The following SPATA31C1 variants were observed in gnomAD, a reference collection of about 807,000 sequenced individuals.
SPATA31C1 encodes spermatogenesis-associated protein 31C1.
At chr9:87,920,361 G>A (rs1236880084) in exon 5 of SPATA31C1, 6 of 1,613,846 alleles carry the variant, frequency 3.7e-6, no homozygotes, top group Admixed American at 1.7e-5. Context: ...GTCCTCTCAT[G>A]AGCCTATGGA....
rs771326196 is a variant in SPATA31C1 at position 87,921,911 on chromosome 9, C to T, written n.2301C>T. On this transcript the variant is annotated non_coding_transcript_exon_variant, in exon 5 of 5. Transcript: ENST00000420021. ...GGGCCAAACACAGGTGGGGTCTACC[C>T]CTCAGGGTCCTCAAGCCCATTCAGT... 1.2e-5 allele frequency: 19 copies of T among 1,611,914 alleles called. No homozygotes were observed. The Middle Eastern group carries it at 6.7e-4, about 57-fold the overall frequency.
chr9:87,921,190 T>C, exon 5 of SPATA31C1: 3 of 1,611,870 alleles, frequency 1.9e-6, no homozygotes, highest in Non-Finnish European at 2.5e-6. Context: ...TCTCAGGACG[T>C]CTTTAGTGTC....
At chr9:87,916,790 G>A (rs1828733849) in intron 1 of SPATA31C1, among the ~76,000 whole-genome samples, 1 of 90,348 alleles carries the variant, frequency 1.1e-5, no homozygotes, top group Admixed American at 1.1e-4. Flanking sequence ...AAGGTCAGGA[G>A]AACAAGACCA....
intron 1 of SPATA31C1, among the ~76,000 whole-genome samples, chr9:87,915,655 T>C (rs1229572681): frequency 1.4e-5 from 2 of 144,224 alleles, no homozygotes; most frequent in Non-Finnish European, 3.1e-5. Flanking sequence ...TTGTTTTGTC[T>C]ATGGTATCTA....
At chr9:87,919,403 G>T in intron 3 of SPATA31C1, 55 bp downstream of exon 2, 1 of 1,595,296 alleles carries the variant, frequency 6.3e-7, no homozygotes, top group Non-Finnish European at 8.5e-7. Flanking sequence ...GTCCGGGAGG[G>T]AACTGACTCT....
At chr9:87,920,120 A>C (rs1828812432) in intron 4 of SPATA31C1, 132 bp from the exon 4 acceptor site, 3 of 1,601,840 alleles carry the variant, frequency 1.9e-6, no homozygotes, top group Non-Finnish European at 2.6e-6. Context: ...GGGTAGCAGG[A>C]GAATTGGGTG....
intron 2 of SPATA31C1, chr9:87,918,948 T>A: frequency 2.7e-6 from 1 of 368,194 alleles, no homozygotes; most frequent in South Asian, 2.1e-5. Flanking sequence ...AATTTTCGTA[T>A]TTTTAGTAGA....
In SPATA31C1 at chr9:87,923,143, G is replaced by A. The variant is rs768590970; in HGVS notation, n.3533G>A. The A allele has an allele frequency of 2.6e-5, 42 of 1,603,298 alleles. No individual in the cohort carries two copies. The Middle Eastern group carries it at 5.0e-4, about 19-fold the overall frequency. On this transcript the variant is annotated non_coding_transcript_exon_variant, in exon 5 of 5. Transcript: ENST00000420021. The stretch of plus-strand genomic sequence containing the variant: ...GAGAACATGTCACTTTGCCATGCGC[G>A]CCATGCCTCGAAGGTAAATCAGCAA...
At chr9:87,920,398 T>C in exon 5 of SPATA31C1, 3 of 1,613,994 alleles carry the variant, frequency 1.9e-6, no homozygotes, top group Non-Finnish European at 2.5e-6. Context: ...GTCTCCCCGT[T>C]AGCTTCCCCG....
At chr9:87,923,126 G>C in exon 5 of SPATA31C1, 1 of 1,603,630 alleles carries the variant, frequency 6.2e-7, no homozygotes, top group Non-Finnish European at 8.5e-7. Context: ...AGGAGAACAT[G>C]TCACTTTGCC....
At chr9:87,920,740 C>T (rs548729484) in exon 5 of SPATA31C1, 2 of 1,612,464 alleles carry the variant, frequency 1.2e-6, no homozygotes, top group African/African-American at 2.7e-5. Context: ...TCTGTCCCAG[C>T]CATCTCAGGC....
chr9:87,921,404 G>A (rs1397901255), exon 5 of SPATA31C1: 14 of 1,611,688 alleles, frequency 8.7e-6, no homozygotes, highest in East Asian at 4.5e-5. Flanking sequence ...AGTCCTCCAC[G>A]TCCACAGGTG....
intron 4 of SPATA31C1, 100 bp from the exon 4 acceptor site, chr9:87,920,152 G>T: frequency 6.2e-7 from 1 of 1,600,454 alleles, no homozygotes. Flanking sequence ...GCGTGGTGGA[G>T]AGGGTGTGGC....
chr9:87,920,764 AC>A (rs1252775387), exon 5 of SPATA31C1: 11 of 1,613,802 alleles, frequency 6.8e-6, no homozygotes, highest in Non-Finnish European at 8.5e-6. Context: ...GGCGGCTCAA[AC>A]AGTCAAGTTT....
At position 87,923,282 on chromosome 9, in the gene SPATA31C1, C is replaced by G. The variant is rs1587594022; in HGVS notation, n.3672C>G. On this transcript the variant is annotated non_coding_transcript_exon_variant, in exon 5 of 5. Coordinates refer to ENST00000420021, the Ensembl canonical transcript of SPATA31C1. ...CAGCCAGCAGTCAACAAGCCACTCTCAAGAACCAGAGTCGTCCCAACAGAG... is the reference window on the plus strand; with the variant it reads ...CAGCCAGCAGTCAACAAGCCACTCTGAAGAACCAGAGTCGTCCCAACAGAG... The G allele has an allele frequency of 2.5e-6, 4 of 1,603,836 alleles. No homozygotes were observed. In the East Asian group the frequency reaches 9.0e-5, roughly 36 times the overall value.
exon 5 of SPATA31C1, chr9:87,921,521 G>A (rs756481400): frequency 3.7e-6 from 6 of 1,611,888 alleles, no homozygotes; most frequent in African/African-American, 1.3e-5. Flanking sequence ...CCAGGGGCAT[G>A]GAAAGCTTCC....
exon 5 of SPATA31C1, chr9:87,921,861 C>G (rs1387291793): frequency 6.2e-7 from 1 of 1,612,058 alleles, no homozygotes; most frequent in Non-Finnish European, 8.5e-7. Flanking sequence ...TCAGCAGGTG[C>G]TGGAAGCCCA....
At chr9:87,916,608 CT>C (rs1263925280) in intron 1 of SPATA31C1, among the ~76,000 whole-genome samples, 1 of 149,828 alleles carries the variant, frequency 6.7e-6, no homozygotes, top group Non-Finnish European at 1.5e-5. Flanking sequence ...CGATATTTCA[CT>C]GAACAGGATA....
chr9:87,921,014 C>T lies in SPATA31C1; in HGVS notation n.1404C>T, dbSNP rs763392253. 1.2e-5 allele frequency: 20 copies of T among 1,612,372 alleles called. No individual in the cohort carries two copies. In the South Asian group the frequency reaches 2.2e-4, roughly 18 times the overall value. On this transcript the variant is annotated non_coding_transcript_exon_variant, in exon 5 of 5. Coordinates refer to ENST00000420021, the Ensembl canonical transcript of SPATA31C1. ...CCCATCTTCAATCCTCTTTCCCAGTCCTATCTCCTGCTTTTCTATCCCCGA... is the reference window on the plus strand; with the variant it reads ...CCCATCTTCAATCCTCTTTCCCAGTTCTATCTCCTGCTTTTCTATCCCCGA...
Sources: allele counts gnomAD v4.1 joint callset (sites outside exome capture counted in the v4.1 genomes callset), GRCh38; gene constraint gnomAD v4.1.1; transcripts MANE v1.5; gene names NCBI Gene and HGNC (gene_info 2026-07-23, HGNC 2026-07-21).